The following STARD3NL variants were observed in gnomAD, a reference collection of about 807,000 sequenced individuals.
The protein encoded by STARD3NL is STARD3 N-terminal-like protein.
In STARD3NL, 17 loss-of-function variants were observed where a neutral mutation model predicts 30.9. That is an observed-to-expected ratio of 0.55 (90% CI 0.38 to 0.82). The LOEUF (loss-of-function observed/expected upper bound fraction) is 0.82, where lower values mean the gene tolerates loss of function less well. STARD3NL is among the 40% of genes least tolerant of loss of function. STARD3NL has a pLI of 0.00. For synonymous variants in STARD3NL, 112 were observed against 100.5 expected, an observed-to-expected ratio of 1.11 and a Z score of -0.69; for missense variants, 234 against 277.6, an observed-to-expected ratio of 0.84 and a Z score of 1.12.
intron 3 of STARD3NL, 138 bp from the exon 4 acceptor site, chr7:38,214,890 C>A: frequency 2.9e-6 from 2 of 682,412 alleles, no homozygotes; most frequent in Non-Finnish European, 2.5e-6. Context: ...TTCCCAAATG[C>A]TGGTCTACAG....
At chr7:38,209,944 C>T (rs1452869209) in intron 2 of STARD3NL, among the ~76,000 whole-genome samples, 1 of 152,140 alleles carries the variant, frequency 6.6e-6, no homozygotes, top group Non-Finnish European at 1.5e-5. Flanking sequence ...TACTAGTTTC[C>T]CCACCTGTAA....
intron 1 of STARD3NL, among the ~76,000 whole-genome samples, chr7:38,186,861 A>G (rs925160974): frequency 1.3e-5 from 2 of 152,124 alleles, no homozygotes; most frequent in Non-Finnish European, 2.9e-5. Context: ...TAAGTTTAGG[A>G]GTTAGAGCCA....
chr7:38,206,172 C>T (rs1008822817), intron 1 of STARD3NL, among the ~76,000 whole-genome samples: 4 of 152,154 alleles, frequency 2.6e-5, no homozygotes, highest in African/African-American at 9.7e-5. Context: ...GAAATCTCAG[C>T]TGTCTGTTTC....
intron 2 of STARD3NL, among the ~76,000 whole-genome samples, 165 bp downstream of exon 2, chr7:38,207,894 A>G (rs771607515): frequency 1.3e-5 from 2 of 152,088 alleles, no homozygotes; most frequent in East Asian, 1.9e-4. Context: ...GTTCTTTAAT[A>G]TTATTGTTTA....
chr7:38,229,510 T>C (rs566679084), intron 8 of STARD3NL, among the ~76,000 whole-genome samples: 1 of 152,268 alleles, frequency 6.6e-6, no homozygotes, highest in Non-Finnish European at 1.5e-5. Flanking sequence ...TAGAAGGCAA[T>C]TGAAGTAAAT....
At chr7:38,178,773 A>C (rs1469046959) in intron 1 of STARD3NL, among the ~76,000 whole-genome samples, 1 of 152,032 alleles carries the variant, frequency 6.6e-6, no homozygotes, top group Non-Finnish European at 1.5e-5. Flanking sequence ...GCCCCCAAGA[A>C]GGACCAAGAA....
chr7:38,214,279 G>T, intron 2 of STARD3NL, 78 bp from the exon 3 acceptor site: 5 of 915,640 alleles, frequency 5.5e-6, no homozygotes, highest in Non-Finnish European at 8.6e-6. Context: ...AGGCAGGAAA[G>T]TTGGATAGGA....
chr7:38,205,090 T>C (rs1362383217), intron 1 of STARD3NL, among the ~76,000 whole-genome samples: 1 of 152,202 alleles, frequency 6.6e-6, no homozygotes, highest in Non-Finnish European at 1.5e-5. Context: ...CTTCTGAAAC[T>C]ATTCCAATCA....
chr7:38,187,531 G>T (rs1023022102), intron 1 of STARD3NL, among the ~76,000 whole-genome samples: 1 of 151,836 alleles, frequency 6.6e-6, no homozygotes, highest in African/African-American at 2.4e-5. Flanking sequence ...ACATTTTTTC[G>T]GTGCTCAATG....
At position 38,229,934 on chromosome 7, in the gene STARD3NL, C is replaced by T. The variant is rs76535148; in HGVS notation, c.*29C>T. The T allele has an allele frequency of 6.6e-6, 1 of 152,454 alleles. No individual in the cohort carries two copies. Among genetic ancestry groups the T allele is most frequent in the Non-Finnish European group, 1.5e-5 (1 of 68,032 alleles). 9.4% of individuals were successfully genotyped at this position (152,454 alleles called of 1,614,324 possible). ...TCTCTTTTTCTAAGTGTGAAAAACC[C>T]TCACAGAAAGTCATCGAGGCAAAAA... On this transcript the variant is annotated 3_prime_UTR_variant, in exon 9 of 9. Transcript: ENST00000009041.
intron 8 of STARD3NL, among the ~76,000 whole-genome samples, chr7:38,229,184 C>T (rs1245320754): frequency 1.3e-5 from 2 of 152,218 alleles, no homozygotes; most frequent in African/African-American, 4.8e-5. Flanking sequence ...AGGTACTAAT[C>T]TATGTTAAGA....
In STARD3NL at chr7:38,217,238, C is replaced by T. The variant is rs2116357034; in HGVS notation, c.486C>T (p.Ile162=). Residue 162 remains isoleucine, a synonymous_variant, in exon 6 of 9, where the codon ATC becomes ATT. Transcript: ENST00000009041. The part of the protein sequence containing the change: ...FGYVLPIISF[I]LAWIETWFLD... ...ATGTGCTGCCCATCATTTCATTCATCCTTGCCTGGATTGAGACGTGGTTCC... is the reference window on the plus strand; with the variant it reads ...ATGTGCTGCCCATCATTTCATTCATTCTTGCCTGGATTGAGACGTGGTTCC... 1 of 1,614,046 alleles carries T rather than the reference C, an allele frequency of 6.2e-7. No individual in the cohort carries two copies. Among genetic ancestry groups the T allele is most frequent in the Non-Finnish European group, 8.5e-7 (1 of 1,179,952 alleles).
At chr7:38,199,541 A>C (rs780670677) in intron 1 of STARD3NL, among the ~76,000 whole-genome samples, 3 of 152,188 alleles carry the variant, frequency 2.0e-5, no homozygotes, top group Non-Finnish European at 4.4e-5. Context: ...TGGATAATTA[A>C]GGCCTAGTGT....
intron 1 of STARD3NL, chr7:38,202,188 CAG>C (rs1785213914): frequency 1.3e-5 from 2 of 152,188 alleles, no homozygotes; most frequent in African/African-American, 4.8e-5. Context: ...CTCATTAAGA[CAG>C]AAATTATGTA....
intron 4 of STARD3NL, 113 bp from the exon 5 acceptor site, chr7:38,216,912 A>G: frequency 7.8e-7 from 1 of 1,275,840 alleles, no homozygotes; most frequent in South Asian, 1.3e-5. Context: ...GGCTAGGCAC[A>G]GGTTTTTCAG....
rs1787029230 is a variant in STARD3NL at position 38,230,330 on chromosome 7, C to CTACATT, written c.*427_*432dup. The CTACATT allele has an allele frequency of 6.6e-6, 1 of 152,594 alleles. No homozygotes were observed. Among genetic ancestry groups the CTACATT allele is most frequent in the African/African-American group, 2.4e-5 (1 of 41,444 alleles). 9.5% of individuals were successfully genotyped at this position (152,594 alleles called of 1,614,324 possible). On this transcript the variant is annotated 3_prime_UTR_variant, in exon 9 of 9. Coordinates refer to ENST00000009041, the MANE Select transcript of STARD3NL (RefSeq NM_032016.4). ...TATTTTGTATTTCTTTTTTAACACT[C>CTACATT]TACATTTCCCTTGTTTTTTAACTCA...
intron 1 of STARD3NL, among the ~76,000 whole-genome samples, chr7:38,182,978 T>C (rs1784310250): frequency 1.3e-5 from 2 of 152,246 alleles, no homozygotes; most frequent in African/African-American, 2.4e-5. Flanking sequence ...TCAAATACTG[T>C]GCATTATTGC....
chr7:38,216,162 GT>G (rs1786099266), intron 4 of STARD3NL: 1 of 152,134 alleles, frequency 6.6e-6, no homozygotes, highest in Admixed American at 6.6e-5. Flanking sequence ...GCTAGTATTT[GT>G]CAGACTATCC....
intron 7 of STARD3NL, among the ~76,000 whole-genome samples, chr7:38,225,283 C>G (rs1214652293): frequency 2.6e-5 from 4 of 152,046 alleles, no homozygotes; most frequent in Admixed American, 2.6e-4. Flanking sequence ...TTTTCCCAGT[C>G]TATTATTTGT....
Sources: allele counts gnomAD v4.1 joint callset (sites outside exome capture counted in the v4.1 genomes callset), GRCh38; gene constraint gnomAD v4.1.1; transcripts MANE v1.5; gene names NCBI Gene and HGNC (gene_info 2026-07-23, HGNC 2026-07-21).